Variants in RFX3 observed in about 807,000 individuals in gnomAD.
RFX3 encodes regulatory factor X3.
RFX3 carries 14 observed loss-of-function variants against 98.6 expected under a neutral mutation model. That is an observed-to-expected ratio of 0.14 (90% CI 0.09 to 0.22). RFX3 has a LOEUF of 0.22. RFX3 is among the 10% of genes least tolerant of loss of function. The pLI is 1.00. For missense variants in RFX3, 639 were observed against 926.9 expected (o/e 0.69, Z 4.03); for synonymous variants, 383 against 328.4 (o/e 1.17, Z -1.80).
chr9:3,228,012 T>C (rs1053949732), intron 16 of RFX3, among the ~76,000 whole-genome samples: 1 of 152,222 alleles, frequency 6.6e-6, no homozygotes, highest in African/African-American at 2.4e-5. Context: ...ATTTTGTACC[T>C]GTCGCCGATA....
intron 1 of RFX3, among the ~76,000 whole-genome samples, chr9:3,413,453 A>G (rs545951902): frequency 3.4e-4 from 52 of 152,228 alleles, no homozygotes; most frequent in African/African-American, 1.2e-3. Flanking sequence ...TAAGTTGCTA[A>G]GAAGTGAACA....
At chr9:3,348,269 G>C (rs1466982085) in intron 2 of RFX3, among the ~76,000 whole-genome samples, 1 of 152,074 alleles carries the variant, frequency 6.6e-6, no homozygotes, top group African/African-American at 2.4e-5. Flanking sequence ...GCTTGAACAA[G>C]TTCAATTTTT....
At chr9:3,252,056 C>A (rs1821478322) in intron 14 of RFX3, among the ~76,000 whole-genome samples, 1 of 152,178 alleles carries the variant, frequency 6.6e-6, no homozygotes. Flanking sequence ...CCATGTTGGT[C>A]AGACTGGTGT....
chr9:3,329,869 C>A (rs1233530428), intron 4 of RFX3, among the ~76,000 whole-genome samples: 1 of 152,062 alleles, frequency 6.6e-6, no homozygotes, highest in Non-Finnish European at 1.5e-5. Context: ...GTGAAAATTC[C>A]AAGCTAAATT....
At chr9:3,328,466 C>T (rs566754525) in intron 4 of RFX3, among the ~76,000 whole-genome samples, 2 of 151,904 alleles carry the variant, frequency 1.3e-5, no homozygotes, top group South Asian at 4.2e-4. Context: ...GTAGCAATCC[C>T]CTTGTAATCT....
chr9:3,493,700 A>AATATATATATATATATAT (rs1288255611), intron 1 of RFX3, among the ~76,000 whole-genome samples: 1 of 71,812 alleles, frequency 1.4e-5, no homozygotes, highest in African/African-American at 5.9e-5. Flanking sequence ...AAAAAAAAAA[A>AATATATATATATATATAT]ATATATATAT....
At chr9:3,423,116 A>T (rs1455499816) in intron 1 of RFX3, among the ~76,000 whole-genome samples, 1 of 152,196 alleles carries the variant, frequency 6.6e-6, no homozygotes, top group East Asian at 1.9e-4. Context: ...CTATCCAAAC[A>T]TATGCTGAGA....
At chr9:3,436,048 C>T (rs1339726067) in intron 1 of RFX3, among the ~76,000 whole-genome samples, 1 of 151,842 alleles carries the variant, frequency 6.6e-6, no homozygotes, top group African/African-American at 2.4e-5. Flanking sequence ...TATATTTGGT[C>T]ATGTACATCC....
At chr9:3,524,557 A>T (rs1313868706) in intron 1 of RFX3, 1 of 400,566 alleles carries the variant, frequency 2.5e-6, no homozygotes, top group Non-Finnish European at 3.3e-6. Context: ...TGAGGAGATT[A>T]AAAAAAAAAA....
intron 1 of RFX3, among the ~76,000 whole-genome samples, chr9:3,431,268 G>C (rs1844632432): frequency 6.6e-6 from 1 of 152,072 alleles, no homozygotes; most frequent in Non-Finnish European, 1.5e-5. Context: ...TATAAACCTG[G>C]AATAACACCA....
chr9:3,394,605 A>G (rs1322254970), intron 2 of RFX3, among the ~76,000 whole-genome samples: 1 of 152,206 alleles, frequency 6.6e-6, no homozygotes, highest in Non-Finnish European at 1.5e-5. Context: ...TGCATCTATC[A>G]ATTATAAAAA....
Position 3,224,924 on chromosome 9 carries a change from T to C in RFX3, c.*118A>G, listed in dbSNP as rs1817599293. On this transcript the variant is annotated 3_prime_UTR_variant, in exon 17 of 17. Coordinates refer to ENST00000617270, the MANE Select transcript of RFX3 (RefSeq NM_001282116.2). ...CATTCCATTTCACAACTCCAAAAAG[T>C]TAATGTTCAGCACAGATAGAATTTG... The C allele has an allele frequency of 9.8e-7, 1 of 1,020,062 alleles. No homozygotes were observed. Among genetic ancestry groups the C allele is most frequent in the East Asian group, 2.4e-5 (1 of 41,490 alleles). The allele number at this position is 1,020,062 out of a possible 1,614,324, so 63.2% of individuals were successfully genotyped here.
chr9:3,377,910 T>A (rs192773851), intron 2 of RFX3, among the ~76,000 whole-genome samples: 7 of 152,212 alleles, frequency 4.6e-5, no homozygotes, highest in African/African-American at 1.7e-4. Flanking sequence ...TTTTTTATTA[T>A]GTTTGCTTCT....
intron 7 of RFX3, among the ~76,000 whole-genome samples, chr9:3,281,508 T>A (rs1825911459): frequency 6.6e-6 from 1 of 151,762 alleles, no homozygotes; most frequent in South Asian, 2.1e-4. Flanking sequence ...AAACTCTTAG[T>A]ACTCTTTCAT....
intron 2 of RFX3, among the ~76,000 whole-genome samples, chr9:3,362,868 G>A (rs531181761): frequency 2.6e-5 from 4 of 152,304 alleles, no homozygotes; most frequent in Admixed American, 1.3e-4. Context: ...TTTCAAAGGC[G>A]AGAGGGGGAG....
At chr9:3,428,522 C>T (rs1844332880) in intron 1 of RFX3, among the ~76,000 whole-genome samples, 1 of 152,152 alleles carries the variant, frequency 6.6e-6, no homozygotes, top group African/African-American at 2.4e-5. Flanking sequence ...AAAATATCAG[C>T]AATACTCTGC....
intron 1 of RFX3, among the ~76,000 whole-genome samples, chr9:3,440,182 C>A (rs1845494878): frequency 6.6e-6 from 1 of 152,034 alleles, no homozygotes; most frequent in Non-Finnish European, 1.5e-5. Context: ...TATTTCTTCT[C>A]TATGATCGGG....
chr9:3,271,182 T>C (rs1824382134), intron 9 of RFX3, 64 bp from the exon 10 acceptor site: 8 of 1,399,472 alleles, frequency 5.7e-6, no homozygotes, highest in Non-Finnish European at 7.1e-6. Flanking sequence ...GTGAGGACAG[T>C]CTAACATGAC....
intron 4 of RFX3, 126 bp from the exon 5 acceptor site, chr9:3,301,746 A>C: frequency 1.7e-6 from 1 of 581,716 alleles, no homozygotes; most frequent in South Asian, 2.8e-5. Context: ...AACAGTTGCC[A>C]CTTAATGTGT....
Sources: gnomAD v4.1 joint callset for allele counts (sites outside exome capture counted in the v4.1 genomes callset) on GRCh38, gnomAD v4.1.1 for gene constraint, MANE v1.5 for transcripts, NCBI Gene and HGNC (gene_info 2026-07-23, HGNC 2026-07-21) for gene names.